The following RORA variants were observed in gnomAD, a reference collection of about 807,000 sequenced individuals.
RORA encodes nuclear receptor ROR-alpha.
A neutral mutation model predicts 69.5 loss-of-function variants in RORA; 7 were observed. The observed-to-expected ratio is 0.10, with a 90% confidence interval of 0.06 to 0.19. The LOEUF (loss-of-function observed/expected upper bound fraction) is 0.19, where lower values mean the gene tolerates loss of function less well. Among genes scored for constraint, RORA ranks in the 10% least tolerant of loss-of-function variants. The pLI, the probability that RORA is intolerant of heterozygous loss-of-function variation, is 1.00. For missense variants in RORA, 457 were observed against 663.0 expected, an observed-to-expected ratio of 0.69 and a Z score of 3.41; for synonymous variants, 261 against 240.8, an observed-to-expected ratio of 1.08 and a Z score of -0.78.
intron 1 of RORA, among the ~76,000 whole-genome samples, chr15:61,046,663 C>A (rs1002778139): frequency 3.3e-5 from 5 of 152,146 alleles, no homozygotes; most frequent in Admixed American, 2.6e-4. Context: ...AATCAACAAA[C>A]CCCAGCTGGA....
chr15:60,628,362 A>T (rs1165721758), intron 2 of RORA, among the ~76,000 whole-genome samples: 1 of 151,962 alleles, frequency 6.6e-6, no homozygotes, highest in Non-Finnish European at 1.5e-5. Flanking sequence ...GGGTTTGTTT[A>T]TTTTATGTAT....
intron 1 of RORA, among the ~76,000 whole-genome samples, chr15:61,058,527 A>G (rs1158487369): frequency 6.6e-6 from 1 of 152,178 alleles, no homozygotes; most frequent in Non-Finnish European, 1.5e-5. Flanking sequence ...CTGTGATAGA[A>G]GTAAGCAAAA....
rs1191528609 is a variant in RORA at position 61,131,168 on chromosome 15, CTG to C, written c.166+97883_166+97884del. Among the ~76,000 whole-genome samples, 1 of 152,200 alleles carries C rather than the reference CTG, an allele frequency of 6.6e-6. No homozygotes were observed. The highest frequency in any genetic ancestry group is 2.1e-4 in the South Asian group (1 of 4,828). On this transcript the variant is annotated intron_variant, in intron 1 of 10. Transcript: ENST00000335670. This position sits in a 1 kb window ranked among gnomAD's most constrained non-coding sequence, Gnocchi z 4.2. ...AACCAGGTCACACCACTTTTGAACA[CTG>C]GGTGTAAACTTGATGGTCACTAACA...
intron 1 of RORA, among the ~76,000 whole-genome samples, chr15:61,005,842 G>GT (rs1464677940): frequency 6.6e-6 from 1 of 152,104 alleles, no homozygotes; most frequent in Admixed American, 6.5e-5. Context: ...AGGAGTGTGC[G>GT]TATGTCTGTG....
chr15:60,547,340 T>TTTA (rs1555429660), intron 2 of RORA, among the ~76,000 whole-genome samples: 1 of 148,506 alleles, frequency 6.7e-6, no homozygotes. Flanking sequence ...TTTTTTTTTT[T>TTTA]AAAGATAGGG....
In RORA at chr15:60,611,558, G is replaced by GAAAAAAAA. The variant is rs1567122905; in HGVS notation, c.196+67098_196+67099insTTTTTTTT. On this transcript the variant is annotated intron_variant, in intron 2 of 10. Transcript: ENST00000335670. Reference sequence around the variant, plus strand: ...TTTACCTCAAACAATCTTGAGTTTTGCAAAAAAAAAAAAAAAAAAAAAAAA... The same window carrying GAAAAAAAA: ...TTTACCTCAAACAATCTTGAGTTTTGAAAAAAAACAAAAAAAAAAAAAAAAAAAAAAAA... Among the ~76,000 whole-genome samples, 6 of 2,456 alleles carry GAAAAAAAA rather than the reference G, an allele frequency of 2.4e-3. 2 individuals carry two copies. The highest frequency in any genetic ancestry group is 4.5e-3 in the Non-Finnish European group (6 of 1,336). 1.6% of individuals were successfully genotyped at this position (2,456 alleles called of 152,430 possible). A position where few individuals can be genotyped will look rare whatever the true frequency, so the allele number is the denominator to read the frequency against.
chr15:61,155,603 G>A (rs777421266), intron 1 of RORA, among the ~76,000 whole-genome samples: 5 of 152,170 alleles, frequency 3.3e-5, no homozygotes, highest in Non-Finnish European at 7.4e-5. Context: ...GATTCCTTGG[G>A]CTATCAGGCA....
intron 1 of RORA, among the ~76,000 whole-genome samples, chr15:60,757,694 C>T (rs1375940356): frequency 1.3e-5 from 2 of 152,172 alleles, no homozygotes; most frequent in African/African-American, 2.4e-5. Context: ...TAGTGCCTGG[C>T]ACATAGAAAG....
intron 1 of RORA, among the ~76,000 whole-genome samples, chr15:61,055,647 T>TAC (rs2078085557): frequency 6.6e-6 from 1 of 152,162 alleles, no homozygotes; most frequent in Non-Finnish European, 1.5e-5. Context: ...TTCAAAGTAA[T>TAC]ACTAAGCAAA....
At chr15:61,096,819 C>G (rs1255313645) in intron 1 of RORA, among the ~76,000 whole-genome samples, 2 of 152,138 alleles carry the variant, frequency 1.3e-5, no homozygotes, top group Non-Finnish European at 2.9e-5. Flanking sequence ...TGTGAGTGTT[C>G]GTGATACATT....
chr15:60,592,475 C>T, intron 2 of RORA: 1 of 1,359,400 alleles, frequency 7.4e-7, no homozygotes, highest in Non-Finnish European at 9.5e-7. Flanking sequence ...GGAGCCCCCT[C>T]TGCCGCCGCC....
At chr15:60,636,057 GTCTC>G (rs1596084232) in intron 2 of RORA, among the ~76,000 whole-genome samples, 2 of 152,270 alleles carry the variant, frequency 1.3e-5, no homozygotes, top group South Asian at 4.1e-4. Flanking sequence ...AGGTTAAATA[GTCTC>G]TCTGTGTGAT....
intron 2 of RORA, among the ~76,000 whole-genome samples, chr15:60,634,008 C>A (rs1030161530): frequency 6.6e-6 from 1 of 152,106 alleles, no homozygotes; most frequent in Admixed American, 6.5e-5. Context: ...ACTGAGTATC[C>A]TTTTCAACGG....
chr15:60,607,276 T>G lies in RORA; in HGVS notation c.196+71381A>C, dbSNP rs558650542. On this transcript the variant is annotated intron_variant, in intron 2 of 10. Coordinates refer to ENST00000335670, the MANE Select transcript of RORA (RefSeq NM_134261.3). ...CATAATAATTAATGGTTATAATGAC[T>G]TTGAATCACTAAGGACGTATTAACC... Among the ~76,000 whole-genome samples, 3 of 152,280 alleles carry G rather than the reference T, an allele frequency of 2.0e-5. No individual in the cohort carries two copies. In the South Asian group the frequency reaches 6.2e-4, roughly 32 times the overall value.
chr15:61,071,225 A>G (rs1595945750), intron 1 of RORA, among the ~76,000 whole-genome samples: 10 of 28,324 alleles, frequency 3.5e-4, no homozygotes, highest in South Asian at 1.9e-3. Flanking sequence ...GGGGAGGGGA[A>G]GGGAAGGGAG....
At chr15:60,672,694 A>G (rs1304609539) in intron 2 of RORA, among the ~76,000 whole-genome samples, 1 of 152,178 alleles carries the variant, frequency 6.6e-6, no homozygotes, top group Non-Finnish European at 1.5e-5. Context: ...ACATTTTCTT[A>G]TTTAAAATGC....
intron 1 of RORA, among the ~76,000 whole-genome samples, chr15:61,089,775 G>A (rs74579048): frequency 6.6e-6 from 1 of 152,196 alleles, no homozygotes; most frequent in Non-Finnish European, 1.5e-5. Flanking sequence ...CCTGGGATTG[G>A]TTTCCTGAGT....
At chr15:60,611,415 C>CCTCAAAG (rs1189928031) in intron 2 of RORA, among the ~76,000 whole-genome samples, 1 of 151,904 alleles carries the variant, frequency 6.6e-6, no homozygotes, top group Non-Finnish European at 1.5e-5. Flanking sequence ...CTTTAACCTT[C>CCTCAAAG]CTCAAAGTCT....
chr15:61,124,506 C>T (rs774306086), intron 1 of RORA, among the ~76,000 whole-genome samples: 34 of 152,204 alleles, frequency 2.2e-4, no homozygotes, highest in East Asian at 3.8e-4. Context: ...GCAAGAGGGA[C>T]GCACTGGAAC....
Sources: allele counts gnomAD v4.1 joint callset (sites outside exome capture counted in the v4.1 genomes callset), GRCh38; gene constraint gnomAD v4.1.1; non-coding constraint Gnocchi (gnomAD v3.1); transcripts MANE v1.5; gene names NCBI Gene and HGNC (gene_info 2026-07-23, HGNC 2026-07-21).